RRP15: variants seen among roughly 807,000 people sequenced by gnomAD.
RRP15 encodes ribosomal RNA processing 15 homolog, also known as RRP15-like protein.
Under a neutral mutation model 27.1 loss-of-function variants are expected in RRP15, and 18 were observed. The ratio of observed to expected loss-of-function variants is 0.66; its 90% CI spans 0.46 to 0.98. The LOEUF (loss-of-function observed/expected upper bound fraction) is 0.98, where lower values mean the gene tolerates loss of function less well. Ranked by LOEUF, RRP15 falls within the 50% of genes least tolerant of loss-of-function variation. The probability of loss-of-function intolerance (pLI) is 0.00; values close to 1 mark genes in which losing one functional copy is unlikely to be tolerated. For missense variants in RRP15, 359 were observed against 337.8 expected (o/e 1.06, Z -0.49); for synonymous variants, 107 against 109.4 (o/e 0.98, Z 0.14).
chr1:218,293,458 T>A (rs2102492774), intron 1 of RRP15, among the ~76,000 whole-genome samples: 1 of 152,334 alleles, frequency 6.6e-6, no homozygotes, highest in East Asian at 1.9e-4. Context: ...TCTTCAGACC[T>A]ATGAGGAATC....
rs565065498 is a variant in RRP15 at position 218,311,923 on chromosome 1, A to T, written c.705+4291A>T. Among the ~76,000 whole-genome samples the T allele has an allele frequency of 4.6e-5, 7 of 152,362 alleles. No homozygotes were observed. In the South Asian group the frequency reaches 1.4e-3, roughly 32 times the overall value. ...CGGGTAGGCCCTAAGACCAGTGACA[A>T]GTGTTCTTAGACACATAGGAGAAAT... On this transcript the variant is annotated intron_variant, in intron 4 of 4. Coordinates refer to ENST00000366932, the MANE Select transcript of RRP15 (RefSeq NM_016052.4).
intron 4 of RRP15, among the ~76,000 whole-genome samples, chr1:218,323,974 C>G (rs1234187281): frequency 1.3e-5 from 2 of 152,194 alleles, no homozygotes; most frequent in African/African-American, 4.8e-5. Flanking sequence ...TGCAGCCATA[C>G]CTAGGTCTGC....
intron 4 of RRP15, among the ~76,000 whole-genome samples, chr1:218,318,946 C>T (rs1656132959): frequency 6.6e-6 from 1 of 152,092 alleles, no homozygotes; most frequent in Admixed American, 6.6e-5. Flanking sequence ...TATTAGCTGA[C>T]ACTTTTCAAG....
In RRP15 at chr1:218,332,694, A is replaced by T. The variant is rs1656391922; in HGVS notation, c.*1603A>T. ...ACACCTAAGGTATCAAGTGGTTAAA[A>T]CAGCAAAGTACAAGATGCATTTTTG... On this transcript the variant is annotated 3_prime_UTR_variant, in exon 5 of 5. Coordinates refer to ENST00000366932, the MANE Select transcript of RRP15 (RefSeq NM_016052.4). 6.6e-6 allele frequency: 1 copy of T among 152,180 alleles called. No individual in the cohort carries two copies. Among genetic ancestry groups the T allele is most frequent in the Non-Finnish European group, 1.5e-5 (1 of 68,016 alleles). The allele number at this position is 152,180 out of a possible 1,614,324, so 9.4% of individuals were successfully genotyped here.
At position 218,335,265 on chromosome 1, in the gene RRP15, A is replaced by G. The variant is rs1656431534; in HGVS notation, c.*4174A>G. ...AGATGCGGTAAACCTTTTAAATTTA[A>G]ATTTGCTTTCTTAAAATACCTGTTC... On this transcript the variant is annotated 3_prime_UTR_variant, in exon 5 of 5. Transcript: ENST00000366932. The G allele has an allele frequency of 6.6e-6, 1 of 152,072 alleles. No individual in the cohort carries two copies. Among genetic ancestry groups the G allele is most frequent in the African/African-American group, 2.4e-5 (1 of 41,394 alleles). The allele number at this position is 152,072 out of a possible 1,614,324, so 9.4% of individuals were successfully genotyped here.
intron 3 of RRP15, among the ~76,000 whole-genome samples, chr1:218,305,744 A>C (rs1655889511): frequency 6.6e-6 from 1 of 152,162 alleles, no homozygotes; most frequent in Non-Finnish European, 1.5e-5. Context: ...AGAACCTAGC[A>C]GTTATATTTA....
intron 3 of RRP15, among the ~76,000 whole-genome samples, 196 bp downstream of exon 3, chr1:218,305,321 A>T (rs530952822): frequency 6.6e-6 from 1 of 152,300 alleles, no homozygotes; most frequent in African/African-American, 2.4e-5. Context: ...TGCTAAGTGT[A>T]TATTTGGTAA....
At chr1:218,328,192 C>T (rs756408360) in intron 4 of RRP15, among the ~76,000 whole-genome samples, 9 of 152,196 alleles carry the variant, frequency 5.9e-5, no homozygotes, top group Non-Finnish European at 1.3e-4. Flanking sequence ...TTATTCTTTA[C>T]GTTGGACAAT....
rs1656462126 is a variant in RRP15 at position 218,337,185 on chromosome 1, A to T, written c.*6094A>T. 2.6e-5 allele frequency: 4 copies of T among 152,190 alleles called. No individual in the cohort carries two copies. The highest frequency in any genetic ancestry group is 4.4e-5 in the Non-Finnish European group (3 of 68,042). The allele number at this position is 152,190 out of a possible 1,614,324, so 9.4% of individuals were successfully genotyped here. A position where few individuals can be genotyped will look rare whatever the true frequency, so the allele number is the denominator to read the frequency against. ...AGCGTGTCAAGAGATGTTCTCTCTT[A>T]TGCATTTGGAGGATTAGGTGCTGCA... On this transcript the variant is annotated 3_prime_UTR_variant, in exon 5 of 5. Transcript: ENST00000366932.
chr1:218,288,772 TC>T (rs935245182), intron 1 of RRP15, among the ~76,000 whole-genome samples: 7 of 152,194 alleles, frequency 4.6e-5, no homozygotes, highest in African/African-American at 1.7e-4. Flanking sequence ...GACAAACTTT[TC>T]TCCCTCCCAC....
At chr1:218,327,310 G>T (rs1057472051) in intron 4 of RRP15, among the ~76,000 whole-genome samples, 1 of 151,940 alleles carries the variant, frequency 6.6e-6, no homozygotes, top group African/African-American at 2.4e-5. Context: ...TTAAAACAAG[G>T]TTTTCTTTAT....
chr1:218,295,534 A>G (rs1655705946), intron 1 of RRP15, among the ~76,000 whole-genome samples: 1 of 152,242 alleles, frequency 6.6e-6, no homozygotes, highest in African/African-American at 2.4e-5. Flanking sequence ...AAAAGACTTG[A>G]TAACAATTCA....
At chr1:218,307,703 A>G in intron 4 of RRP15, 71 bp downstream of exon 4, 1 of 1,014,098 alleles carries the variant, frequency 9.9e-7, no homozygotes, top group Non-Finnish European at 1.5e-6. Context: ...ATGGAAAACC[A>G]GACTATAGAA....
rs1322745242 is a variant in RRP15 at position 218,335,841 on chromosome 1, T to A, written c.*4750T>A. On this transcript the variant is annotated 3_prime_UTR_variant, in exon 5 of 5. Transcript: ENST00000366932. The stretch of plus-strand genomic sequence containing the variant: ...GTTGACTTTTTTTTCAGTATTTATA[T>A]TTTTAAAAAGATATGTTTCTTTATA... 1 of 152,208 alleles carries A rather than the reference T, an allele frequency of 6.6e-6. No homozygotes were observed. The highest frequency in any genetic ancestry group is 1.5e-5 in the Non-Finnish European group (1 of 68,034). 9.4% of individuals were successfully genotyped at this position (152,208 alleles called of 1,614,324 possible). A position where few individuals can be genotyped will look rare whatever the true frequency, so the allele number is the denominator to read the frequency against.
rs531949988 is a variant in RRP15, at chr1:218,292,512, C to G, written c.139+7057C>G. On this transcript the variant is annotated intron_variant, in intron 1 of 4. Transcript: ENST00000366932. ...AACAAGGCAGAGTGTCTCCTTCAGC[C>G]TCAGCTAGGAGTGTGCATGTAGGGA... is the stretch of plus-strand genomic sequence containing the variant. 2.6e-5 allele frequency among the ~76,000 whole-genome samples: 4 copies of G among 152,318 alleles called. No individual in the cohort carries two copies. In the South Asian group the frequency reaches 8.3e-4, roughly 32 times the overall value.
At position 218,302,509 on chromosome 1, in the gene RRP15, GA is replaced by G; in HGVS notation, c.359del (p.Lys120ArgfsTer6). On this transcript the variant is annotated frameshift_variant, in exon 2 of 5. Coordinates refer to ENST00000366932, the MANE Select transcript of RRP15 (RefSeq NM_016052.4). LOFTEE classifies it high-confidence loss of function. ...PTILVKNKKL[E>X]KEKEKLKQER... ...TATTCTGGTCAAAAATAAGAAGCTG[GA>G]AAAGGAAAAAGAAAAGTTAAAGCAA... 1 of 1,613,048 alleles carries G rather than the reference GA, an allele frequency of 6.2e-7. No homozygotes were observed. Among genetic ancestry groups the G allele is most frequent in the African/African-American group, 1.3e-5 (1 of 74,816 alleles).
intron 2 of RRP15, among the ~76,000 whole-genome samples, chr1:218,304,325 C>T (rs1655859619): frequency 6.6e-6 from 1 of 152,122 alleles, no homozygotes; most frequent in Non-Finnish European, 1.5e-5. Flanking sequence ...GAGACATGAA[C>T]ATGCAATGTA....
At chr1:218,318,181 T>C (rs934008375) in intron 4 of RRP15, among the ~76,000 whole-genome samples, 2 of 152,232 alleles carry the variant, frequency 1.3e-5, no homozygotes, top group Non-Finnish European at 2.9e-5. Flanking sequence ...AGTTTTTGTT[T>C]GTTTAGGTTG....
chr1:218,294,670 G>A (rs958724064), intron 1 of RRP15, among the ~76,000 whole-genome samples: 2 of 151,880 alleles, frequency 1.3e-5, no homozygotes, highest in Non-Finnish European at 2.9e-5. Flanking sequence ...AATGTTTTAT[G>A]GAGACTTCAT....
Sources: gnomAD v4.1 joint callset for allele counts (sites outside exome capture counted in the v4.1 genomes callset) on GRCh38, gnomAD v4.1.1 for gene constraint, MANE v1.5 for transcripts, NCBI Gene and HGNC (gene_info 2026-07-23, HGNC 2026-07-21) for gene names.